COL4A6: variants seen among roughly 807,000 people sequenced by gnomAD.
COL4A6 encodes collagen type IV alpha 6 chain, also known as collagen alpha-6(IV) chain.
A neutral mutation model predicts 126.7 loss-of-function variants in COL4A6; 59 were observed. The ratio of observed to expected loss-of-function variants is 0.47; its 90% CI spans 0.38 to 0.58. The LOEUF is 0.58. Among genes scored for constraint, COL4A6 ranks in the 20% least tolerant of loss-of-function variants. COL4A6 has a pLI of 0.00. For synonymous variants in COL4A6, 547 were observed against 496.6 expected, an observed-to-expected ratio of 1.10 and a Z score of -1.35; for missense variants, 1,285 against 1,337.3, an observed-to-expected ratio of 0.96 and a Z score of 0.61.
At chrX:108,213,802 C>A in intron 6 of COL4A6, 1 of 239,422 alleles carries the variant, frequency 4.2e-6, no homozygotes, top group Non-Finnish European at 7.3e-6. Flanking sequence ...GATGTGGGAC[C>A]ATGTCAAATA....
intron 2 of COL4A6, among the ~76,000 whole-genome samples, chrX:108,387,420 A>G (rs1025233080): frequency 9.0e-5 from 10 of 111,516 alleles, no homozygotes; most frequent in African/African-American, 3.3e-4. Context: ...CTCCTTGAAG[A>G]GGTCCTTCAT....
intron 3 of COL4A6, among the ~76,000 whole-genome samples, chrX:108,262,757 G>A (rs1377730708): frequency 9.0e-6 from 1 of 111,363 alleles, no homozygotes; most frequent in Non-Finnish European, 1.9e-5. Context: ...TCACGGATTG[G>A]TGGTTAAGAT....
chrX:108,196,486 G>A (rs749727770), intron 14 of COL4A6, 25 bp downstream of exon 14: 4 of 1,187,956 alleles, frequency 3.4e-6, no homozygotes, highest in Non-Finnish European at 4.6e-6. Flanking sequence ...GACAGACCCA[G>A]GCAAGTAACA....
chrX:108,347,180 G>A (rs776171549), intron 2 of COL4A6, among the ~76,000 whole-genome samples: 37 of 111,621 alleles, frequency 3.3e-4, no homozygotes, highest in African/African-American at 1.0e-3. Context: ...CCATCCCGTC[G>A]CAGGGAGCAC....
chrX:108,403,834 C>G (rs1458838570), intron 2 of COL4A6, among the ~76,000 whole-genome samples: 1 of 111,636 alleles, frequency 9.0e-6, no homozygotes, highest in African/African-American at 3.3e-5. Context: ...ATTTGTGAAT[C>G]AAAGATCTGC....
intron 5 of COL4A6, among the ~76,000 whole-genome samples, chrX:108,217,953 C>T (rs1427802920): frequency 8.9e-6 from 1 of 111,844 alleles, no homozygotes; most frequent in African/African-American, 3.3e-5. Flanking sequence ...GCAGTAAGCT[C>T]ATTAAGAGGG....
intron 3 of COL4A6, among the ~76,000 whole-genome samples, chrX:108,227,174 C>T (rs938895435): frequency 1.1e-4 from 12 of 111,965 alleles, no homozygotes; most frequent in African/African-American, 3.9e-4. Context: ...TTATGTCTTA[C>T]TCTTTACTGA....
chrX:108,296,663 T>C (rs2038334996), intron 3 of COL4A6, among the ~76,000 whole-genome samples: 1 of 112,102 alleles, frequency 8.9e-6, no homozygotes, highest in African/African-American at 3.2e-5. Flanking sequence ...GTAATAGCAA[T>C]AACATCAATG....
chrX:108,191,633 T>C lies in COL4A6; in HGVS notation c.1181-100A>G, dbSNP rs757677201. On this transcript the variant is annotated intron_variant, in intron 18 of 44. Coordinates refer to ENST00000334504, the MANE Select transcript of COL4A6 (RefSeq NM_033641.4). Reference sequence around the variant, plus strand: ...GTTGGAAACAAATCCAAGGAAGAATTTAGGGAAGCATTTGCCCTTCTCTTG... The same window carrying C: ...GTTGGAAACAAATCCAAGGAAGAATCTAGGGAAGCATTTGCCCTTCTCTTG... 1.5e-5 allele frequency: 15 copies of C among 995,213 alleles called. No individual in the cohort carries two copies. In the Admixed American group the frequency reaches 3.5e-4, roughly 23 times the overall value. The allele number at this position is 995,213 out of a possible 1,213,427, so 82.0% of individuals were successfully genotyped here. A position where few individuals can be genotyped will look rare whatever the true frequency, so the allele number is the denominator to read the frequency against.
chrX:108,169,914 C>T (rs759652827), intron 36 of COL4A6, 31 bp downstream of exon 36: 1 of 1,138,729 alleles, frequency 8.8e-7, no homozygotes, highest in South Asian at 1.9e-5. Context: ...AGAGCTGATG[C>T]CCTCCTCTTC....
At chrX:108,265,515 C>T (rs746028266) in intron 3 of COL4A6, among the ~76,000 whole-genome samples, 5 of 109,807 alleles carry the variant, frequency 4.6e-5, no homozygotes, top group South Asian at 3.9e-4. Flanking sequence ...TAAGGGATTA[C>T]GTGTCTGAGG....
intron 12 of COL4A6, 95 bp downstream of exon 12, chrX:108,204,225 T>G: frequency 1.5e-6 from 1 of 653,308 alleles, no homozygotes; most frequent in South Asian, 4.4e-5. Flanking sequence ...AACCCTCTAT[T>G]CTTCCAGTAT....
intron 2 of COL4A6, among the ~76,000 whole-genome samples, chrX:108,371,178 A>T (rs912092985): frequency 7.3e-5 from 8 of 109,920 alleles, no homozygotes; most frequent in African/African-American, 2.0e-4. Flanking sequence ...TGTCTTATTG[A>T]TTTCCTTTTT....
intron 3 of COL4A6, among the ~76,000 whole-genome samples, chrX:108,256,294 T>G (rs1395555388): frequency 8.9e-6 from 1 of 112,039 alleles, no homozygotes; most frequent in Non-Finnish European, 1.9e-5. Context: ...TTATGCACAT[T>G]TTGACTTGGA....
At chrX:108,398,542 T>C (rs1379608874) in intron 2 of COL4A6, among the ~76,000 whole-genome samples, 2 of 111,447 alleles carry the variant, frequency 1.8e-5, no homozygotes, top group Non-Finnish European at 3.8e-5. Context: ...TTGTTCCTTG[T>C]TCTGGGTGGT....
chrX:108,204,352 T>A lies in COL4A6; in HGVS notation c.748A>T (p.Met250Leu), dbSNP rs771974140. 1 of 1,203,293 alleles carries A rather than the reference T, an allele frequency of 8.3e-7. No individual in the cohort carries two copies. Among genetic ancestry groups the A allele is most frequent in the South Asian group, 1.8e-5 (1 of 55,581 alleles). Residue 250 changes from methionine (M) to leucine (L), a missense_variant, in exon 12 of 45, where the codon ATG (methionine) becomes TTG (leucine). By Grantham distance (15) the Met-to-Leu change is conservative. Transcript: ENST00000334504. ...PPPSTGELEF[M>L]GFPKGKKGSK... ...CCTTTCTTCCCTTTGGGGAATCCCA[T>A]GAATTCCAGCTCTCCAGTAGATGGT...
chrX:108,206,803 T>C (rs1354583562), intron 8 of COL4A6: 6 of 499,107 alleles, frequency 1.2e-5, no homozygotes, highest in Non-Finnish European at 2.2e-5. Flanking sequence ...ACTACTGATA[T>C]ATGAAACAAT....
chrX:108,300,366 C>CTCTGTGTGTG (rs1337028378), intron 3 of COL4A6, among the ~76,000 whole-genome samples: 4 of 98,176 alleles, frequency 4.1e-5, no homozygotes, highest in Admixed American at 1.2e-4. Context: ...CTCTCTCTCT[C>CTCTGTGTGTG]TGTGTGTGTG....
chrX:108,209,957 A>G lies in COL4A6; in HGVS notation c.546+12T>C. The G allele has an allele frequency of 8.3e-7, 1 of 1,209,011 alleles. No individual in the cohort carries two copies. Among genetic ancestry groups the G allele is most frequent in the Non-Finnish European group, 1.1e-6 (1 of 893,998 alleles). ...TCAACACTGAGAGCTCAACACATAA[A>G]TAACAACTTACAGTGATTCCATCCA... is the stretch of plus-strand genomic sequence containing the variant. On this transcript the variant is annotated intron_variant, in intron 8 of 44. Coordinates refer to ENST00000334504, the MANE Select transcript of COL4A6 (RefSeq NM_033641.4).
Sources: gnomAD v4.1 joint callset for allele counts (sites outside exome capture counted in the v4.1 genomes callset) on GRCh38, gnomAD v4.1.1 for gene constraint, MANE v1.5 for transcripts, NCBI Gene and HGNC (gene_info 2026-07-23, HGNC 2026-07-21) for gene names.